Variants in AIDA observed in about 807,000 individuals in gnomAD.
AIDA encodes axin interactor, dorsalization associated, also known as axin interactor, dorsalization-associated protein.
A neutral mutation model predicts 42.7 loss-of-function variants in AIDA; 18 were observed. The ratio of observed to expected loss-of-function variants is 0.42; its 90% CI spans 0.29 to 0.63. AIDA has a LOEUF of 0.63. Among genes scored for constraint, AIDA ranks in the 20% least tolerant of loss-of-function variants. AIDA has a pLI of 0.19. For missense variants in AIDA, 250 were observed against 354.1 expected (o/e 0.71, Z 2.36); for synonymous variants, 104 against 122.9 (o/e 0.85, Z 1.02).
chr1:222,670,727 A>C (rs1186439995), intron 8 of AIDA, among the ~76,000 whole-genome samples: 1 of 152,252 alleles, frequency 6.6e-6, no homozygotes, highest in Non-Finnish European at 1.5e-5. Context: ...GAATTCAAAC[A>C]ACATAAATCA....
chr1:222,708,289 C>T (rs1172729269), intron 1 of AIDA, among the ~76,000 whole-genome samples: 2 of 150,220 alleles, frequency 1.3e-5, no homozygotes, highest in Non-Finnish European at 3.0e-5. Flanking sequence ...CCAGCCTGGG[C>T]GACAGAGTGA....
Position 222,668,516 on chromosome 1 carries a change from C to A in AIDA, c.*1377G>T, listed in dbSNP as rs1264134675. 1 of 48,620 alleles carries A rather than the reference C, an allele frequency of 2.1e-5. No homozygotes were observed. Among genetic ancestry groups the A allele is most frequent in the East Asian group, 3.8e-4 (1 of 2,620 alleles). The allele number at this position is 48,620 out of a possible 1,614,324, so 3.0% of individuals were successfully genotyped here. Reference sequence around the variant, plus strand: ...TCGCATAGTTTTTATTAACATCCGTCTAGTAAACAGAATGGACCTAACAGA... The same window carrying A: ...TCGCATAGTTTTTATTAACATCCGTATAGTAAACAGAATGGACCTAACAGA... On this transcript the variant is annotated 3_prime_UTR_variant, in exon 10 of 10. Transcript: ENST00000340020.
chr1:222,695,988 G>A (rs1364378417), intron 2 of AIDA, among the ~76,000 whole-genome samples: 11 of 152,048 alleles, frequency 7.2e-5, no homozygotes, highest in Admixed American at 7.2e-4. Context: ...AATAAACGGC[G>A]ATACAACAAC....
intron 1 of AIDA, chr1:222,711,987 G>A (rs1164164723): frequency 3.3e-6 from 2 of 597,036 alleles, no homozygotes; most frequent in Admixed American, 6.5e-5. Context: ...TGTCCCTGCG[G>A]AGGCGGAGAG....
At chr1:222,686,833 G>T in intron 6 of AIDA, 97 bp downstream of exon 6, 1 of 1,419,440 alleles carries the variant, frequency 7.0e-7, no homozygotes, top group Non-Finnish European at 9.5e-7. Flanking sequence ...GCTTTAGAGT[G>T]GTTGTACTGC....
intron 6 of AIDA, among the ~76,000 whole-genome samples, chr1:222,682,399 A>G (rs1431099115): frequency 6.6e-6 from 1 of 152,080 alleles, no homozygotes; most frequent in African/African-American, 2.4e-5. Context: ...TTTTTATATG[A>G]TATTTTATAG....
intron 6 of AIDA, among the ~76,000 whole-genome samples, chr1:222,682,089 T>G (rs1049745970): frequency 2.6e-5 from 4 of 152,182 alleles, no homozygotes; most frequent in African/African-American, 9.7e-5. Flanking sequence ...GGACTTGAAG[T>G]CAGTGAAATC....
At chr1:222,694,077 G>GAA in intron 3 of AIDA, 133 bp downstream of exon 3, 1 of 889,082 alleles carries the variant, frequency 1.1e-6, no homozygotes, top group Non-Finnish European at 1.7e-6. Context: ...AACTAAAAAA[G>GAA]TATGAATTTA....
chr1:222,670,823 T>C (rs1170116115), intron 8 of AIDA, among the ~76,000 whole-genome samples: 1 of 152,214 alleles, frequency 6.6e-6, no homozygotes, highest in Non-Finnish European at 1.5e-5. Flanking sequence ...TTTCCTGGAA[T>C]TGCATGTTTG....
At chr1:222,695,596 T>C (rs1343747290) in intron 2 of AIDA, among the ~76,000 whole-genome samples, 1 of 152,044 alleles carries the variant, frequency 6.6e-6, no homozygotes, top group African/African-American at 2.4e-5. Flanking sequence ...TCCAGGTAAA[T>C]AGTAATCAGA....
At chr1:222,705,067 T>C (rs186104103) in intron 1 of AIDA, among the ~76,000 whole-genome samples, 1 of 152,336 alleles carries the variant, frequency 6.6e-6, no homozygotes, top group East Asian at 1.9e-4. Flanking sequence ...CTCTATCCAA[T>C]TTATGAAAGG....
At chr1:222,705,208 C>T (rs1655807574) in intron 1 of AIDA, among the ~76,000 whole-genome samples, 1 of 152,214 alleles carries the variant, frequency 6.6e-6, no homozygotes, top group Non-Finnish European at 1.5e-5. Context: ...CTGGAAGCCT[C>T]ATAATATTTT....
chr1:222,705,056 C>A (rs1276280531), intron 1 of AIDA, among the ~76,000 whole-genome samples: 1 of 152,042 alleles, frequency 6.6e-6, no homozygotes, highest in Non-Finnish European at 1.5e-5. Context: ...TTCTTGATGG[C>A]CTCTATCCAA....
chr1:222,683,978 G>A (rs1484722321), intron 6 of AIDA, among the ~76,000 whole-genome samples: 3 of 151,770 alleles, frequency 2.0e-5, no homozygotes, highest in African/African-American at 7.3e-5. Flanking sequence ...TTTTAAATCA[G>A]AAAAAAACTA....
At chr1:222,673,676 G>A (rs1664490852) in intron 7 of AIDA, among the ~76,000 whole-genome samples, 1 of 152,052 alleles carries the variant, frequency 6.6e-6, no homozygotes, top group Non-Finnish European at 1.5e-5. Flanking sequence ...TACTCGGGAG[G>A]CTCAGGCAGG....
intron 4 of AIDA, 33 bp downstream of exon 4, chr1:222,693,756 G>A (rs1338023242): frequency 1.3e-6 from 2 of 1,526,888 alleles, no homozygotes; most frequent in East Asian, 2.3e-5. Context: ...TTTTCCAAAG[G>A]AGTATCACAA....
chr1:222,695,301 G>T (rs139136740), intron 2 of AIDA, among the ~76,000 whole-genome samples: 5,929 of 152,284 alleles, frequency 0.039, 531 homozygotes, highest in East Asian at 0.2. Context: ...AGACCAGCCT[G>T]GCCAACATGG....
chr1:222,709,998 A>T (rs1655950353), intron 1 of AIDA, among the ~76,000 whole-genome samples: 1 of 152,118 alleles, frequency 6.6e-6, no homozygotes, highest in Non-Finnish European at 1.5e-5. Context: ...ATTGCTGCCT[A>T]CCCAATTAGA....
chr1:222,698,448 A>ATT (rs36041357), intron 2 of AIDA, among the ~76,000 whole-genome samples: 10,174 of 127,336 alleles, frequency 0.08, 547 homozygotes, highest in Non-Finnish European at 0.13. Flanking sequence ...TTATTCATCA[A>ATT]TTTTTTTTTT....
Sources: gnomAD v4.1 joint callset for allele counts (sites outside exome capture counted in the v4.1 genomes callset) on GRCh38, gnomAD v4.1.1 for gene constraint, MANE v1.5 for transcripts, NCBI Gene and HGNC (gene_info 2026-07-23, HGNC 2026-07-21) for gene names.